Variants in ESR1 observed in about 807,000 individuals in gnomAD.
The protein encoded by ESR1 is estrogen receptor.
A neutral mutation model predicts 52.7 loss-of-function variants in ESR1; 12 were observed. The observed-to-expected ratio is 0.23, with a 90% confidence interval of 0.15 to 0.37. The LOEUF (loss-of-function observed/expected upper bound fraction) is 0.37. Ranked by LOEUF, ESR1 falls within the 10% of genes least tolerant of loss-of-function variation. The probability of loss-of-function intolerance (pLI) is 1.00; values close to 1 mark genes in which losing one functional copy is unlikely to be tolerated. For synonymous variants in ESR1, 305 were observed against 316.8 expected (o/e 0.96, Z 0.39); for missense variants, 584 against 779.7 (o/e 0.75, Z 2.99).
intron 2 of ESR1, among the ~76,000 whole-genome samples, chr6:151,844,861 G>C (rs1300809067): frequency 6.6e-6 from 1 of 151,902 alleles, no homozygotes; most frequent in Non-Finnish European, 1.5e-5. Context: ...AATGTATTTA[G>C]GAAATTTATT....
chr6:151,980,288 C>T (rs1047095757), intron 4 of ESR1, among the ~76,000 whole-genome samples: 6 of 152,100 alleles, frequency 3.9e-5, no homozygotes, highest in African/African-American at 1.2e-4. Flanking sequence ...TCCTACACAC[C>T]AGTTAAAGCA....
At chr6:152,076,961 A>C (rs1381789906) in intron 6 of ESR1, among the ~76,000 whole-genome samples, 1 of 152,164 alleles carries the variant, frequency 6.6e-6, no homozygotes, top group Admixed American at 6.5e-5. Flanking sequence ...TTTGAGGAGA[A>C]ATTCAAGCTG....
chr6:151,966,973 C>T (rs1169561064), intron 4 of ESR1, among the ~76,000 whole-genome samples: 1 of 152,142 alleles, frequency 6.6e-6, no homozygotes, highest in African/African-American at 2.4e-5. Context: ...CCCTATTTCA[C>T]GTGATCATTG....
intron 4 of ESR1, among the ~76,000 whole-genome samples, chr6:151,978,467 G>A (rs536533560): frequency 2.0e-5 from 3 of 152,240 alleles, no homozygotes; most frequent in Admixed American, 2.0e-4. Flanking sequence ...AAAATGTAGT[G>A]GCTGAGAATC....
intron 5 of ESR1, among the ~76,000 whole-genome samples, chr6:152,059,160 G>A (rs192663422): frequency 2.6e-5 from 4 of 152,026 alleles, no homozygotes; most frequent in African/African-American, 9.6e-5. Context: ...CTTTAAATGG[G>A]CAAATGTTAT....
intron 5 of ESR1, among the ~76,000 whole-genome samples, chr6:152,031,181 A>C (rs2044666086): frequency 6.6e-6 from 1 of 152,260 alleles, no homozygotes; most frequent in Non-Finnish European, 1.5e-5. Context: ...CCGCAAGAGA[A>C]AGCAGGAAAG....
Position 152,101,884 on chromosome 6 carries a change from A to T in ESR1, c.*2918A>T, listed in dbSNP as rs535859389. The T allele has an allele frequency of 4.5e-6, 1 of 221,500 alleles. No individual in the cohort carries two copies. Among genetic ancestry groups the T allele is most frequent in the South Asian group, 1.8e-4 (1 of 5,432 alleles). 13.7% of individuals were successfully genotyped at this position (221,500 alleles called of 1,614,324 possible). On this transcript the variant is annotated 3_prime_UTR_variant, in exon 8 of 8. Transcript: ENST00000206249. ...TGGAGACCACAAATCAACTAGCTCC[A>T]TTTACAGCCATTTCTAAAATGGCAG...
At chr6:152,006,733 GA>G (rs991093606) in intron 4 of ESR1, among the ~76,000 whole-genome samples, 2 of 150,042 alleles carry the variant, frequency 1.3e-5, no homozygotes, top group African/African-American at 4.9e-5. Context: ...AGCCAATACA[GA>G]AAAAAAAATG....
intron 3 of ESR1, among the ~76,000 whole-genome samples, chr6:151,910,304 C>T (rs555710030): frequency 2.0e-5 from 3 of 151,664 alleles, no homozygotes; most frequent in South Asian, 2.1e-4. Context: ...TGGATTGAAC[C>T]GAACAGATCT....
At chr6:151,894,444 G>A (rs183418484) in intron 3 of ESR1, among the ~76,000 whole-genome samples, 1 of 151,774 alleles carries the variant, frequency 6.6e-6, no homozygotes, top group Admixed American at 6.6e-5. Context: ...TTGGGTTTTT[G>A]GTCATAAAAT....
At chr6:151,757,336 G>A (rs1784368588) in intron 2 of ESR1, among the ~76,000 whole-genome samples, 1 of 152,148 alleles carries the variant, frequency 6.6e-6, no homozygotes, top group Admixed American at 6.5e-5. Context: ...TAGAGAAAAT[G>A]TGGAAATGTT....
At chr6:152,048,783 A>G (rs2128920800) in intron 5 of ESR1, among the ~76,000 whole-genome samples, 1 of 152,366 alleles carries the variant, frequency 6.6e-6, no homozygotes, top group East Asian at 1.9e-4. Context: ...AAGATGAAGT[A>G]TTAATTGTAT....
intron 4 of ESR1, among the ~76,000 whole-genome samples, chr6:152,009,088 A>G (rs1478977297): frequency 3.9e-5 from 6 of 152,108 alleles, no homozygotes; most frequent in Non-Finnish European, 7.4e-5. Flanking sequence ...TGCATGCTGT[A>G]GAGATACCTG....
intron 1 of ESR1, among the ~76,000 whole-genome samples, chr6:151,666,287 G>T (rs995124034): frequency 5.3e-5 from 8 of 152,188 alleles, no homozygotes; most frequent in African/African-American, 1.7e-4. Flanking sequence ...AAAGTTGTGT[G>T]GTTGGTGTGG....
At chr6:151,672,869 C>G (rs558616940) in intron 1 of ESR1, among the ~76,000 whole-genome samples, 1 of 148,816 alleles carries the variant, frequency 6.7e-6, no homozygotes, top group Non-Finnish European at 1.5e-5. Flanking sequence ...CACTCTGTCA[C>G]CCAGGCTGGA....
chr6:151,739,454 T>C (rs1782916079), intron 2 of ESR1, among the ~76,000 whole-genome samples: 1 of 152,212 alleles, frequency 6.6e-6, no homozygotes, highest in Non-Finnish European at 1.5e-5. Context: ...TTTTCCTTAT[T>C]TCTTCTCATT....
At chr6:151,679,946 C>T (rs1778392948) in intron 1 of ESR1, among the ~76,000 whole-genome samples, 1 of 152,182 alleles carries the variant, frequency 6.6e-6, no homozygotes, top group Non-Finnish European at 1.5e-5. Flanking sequence ...CCAGTCCCTA[C>T]CCTTGTACTC....
At chr6:151,814,034 C>G (rs1217440460) in intron 1 of ESR1, 2 of 152,148 alleles carry the variant, frequency 1.3e-5, no homozygotes, top group African/African-American at 4.8e-5. Context: ...TCCTTGGTTC[C>G]AGTTCTGTCT....
chr6:151,665,902 T>C (rs1329029287), intron 1 of ESR1, among the ~76,000 whole-genome samples: 1 of 152,220 alleles, frequency 6.6e-6, no homozygotes, highest in African/African-American at 2.4e-5. Flanking sequence ...TTTTATTTCA[T>C]TTTGCCTAAA....
Sources: allele counts gnomAD v4.1 joint callset (sites outside exome capture counted in the v4.1 genomes callset), GRCh38; gene constraint gnomAD v4.1.1; transcripts MANE v1.5; gene names NCBI Gene and HGNC (gene_info 2026-07-23, HGNC 2026-07-21).